Variants in ACYP2 observed in about 807,000 individuals in gnomAD.
ACYP2 encodes acylphosphatase 2.
ACYP2 carries 12 observed loss-of-function variants against 11.2 expected under a neutral mutation model. That is an observed-to-expected ratio of 1.08 (90% CI 0.69 to 1.74). The LOEUF (loss-of-function observed/expected upper bound fraction) is 1.74, where lower values mean the gene tolerates loss of function less well. ACYP2 is among the 40% of genes most tolerant of loss of function. ACYP2 has a pLI of 0.00. For synonymous variants in ACYP2, 43 were observed against 32.2 expected, an observed-to-expected ratio of 1.33 and a Z score of -1.13; for missense variants, 134 against 101.9, an observed-to-expected ratio of 1.31 and a Z score of -1.35.
intron 6 of ACYP2, among the ~76,000 whole-genome samples, chr2:54,214,959 C>A (rs960808441): frequency 6.6e-6 from 1 of 152,102 alleles, no homozygotes; most frequent in Non-Finnish European, 1.5e-5. Context: ...TTGTAGAGAT[C>A]TTTCACCTTC....
chr2:54,078,416 A>C (rs1677461422), intron 4 of ACYP2, among the ~76,000 whole-genome samples: 2 of 121,574 alleles, frequency 1.6e-5, no homozygotes, highest in South Asian at 6.8e-4. Context: ...CGTACCATAT[A>C]TGGTACGCAT....
rs569589863 is a variant in ACYP2, at chr2:54,053,665, A to G, written c.155+2615A>G. ...GCAACTTAGGAACTCCTCTGCCACC[A>G]AGTAGATTGTGACCACACCTTCTTC... On this transcript the variant is annotated intron_variant, in intron 3 of 6. Transcript: ENST00000607452. 1.7e-4 allele frequency among the ~76,000 whole-genome samples: 26 copies of G among 152,322 alleles called. No individual in the cohort carries two copies. The South Asian group carries it at 5.0e-3, about 29-fold the overall frequency.
chr2:54,286,621 G>C (rs926849610), intron 6 of ACYP2, among the ~76,000 whole-genome samples: 2 of 152,012 alleles, frequency 1.3e-5, no homozygotes, highest in African/African-American at 4.8e-5. Flanking sequence ...ACACTACTTT[G>C]CTCAACAGAT....
intron 6 of ACYP2, among the ~76,000 whole-genome samples, chr2:54,161,009 G>A (rs1379788109): frequency 6.6e-6 from 1 of 152,170 alleles, no homozygotes; most frequent in Non-Finnish European, 1.5e-5. Flanking sequence ...AGTAGCATCA[G>A]CATTACCTGG....
chr2:54,225,523 C>T (rs1006978647), intron 6 of ACYP2, among the ~76,000 whole-genome samples: 1 of 152,034 alleles, frequency 6.6e-6, no homozygotes, highest in Non-Finnish European at 1.5e-5. Flanking sequence ...TTACTATGCT[C>T]ATTTTAAGTT....
chr2:54,230,374 G>A (rs774660819), intron 6 of ACYP2, among the ~76,000 whole-genome samples: 17 of 151,462 alleles, frequency 1.1e-4, no homozygotes, highest in Non-Finnish European at 2.4e-4. Context: ...TTGTTTTTTT[G>A]AGACGGAGTT....
intron 6 of ACYP2, among the ~76,000 whole-genome samples, chr2:54,149,788 T>C (rs1335185100): frequency 6.6e-6 from 1 of 152,192 alleles, no homozygotes; most frequent in Non-Finnish European, 1.5e-5. Context: ...TATATGTATA[T>C]AAGAGGATGA....
chr2:53,994,329 C>CAAAAAAAAAAAAAAAAAAAAA (rs374302355), intron 2 of ACYP2, among the ~76,000 whole-genome samples: 1 of 42,892 alleles, frequency 2.3e-5, no homozygotes, highest in African/African-American at 9.3e-5. Flanking sequence ...GACTCCGTCT[C>CAAAAAAAAAAAAAAAAAAAAA]AAAAAAAAAA....
intron 6 of ACYP2, among the ~76,000 whole-genome samples, chr2:54,208,215 T>A (rs1685162616): frequency 6.6e-6 from 1 of 152,002 alleles, no homozygotes; most frequent in African/African-American, 2.4e-5. Flanking sequence ...AACTTTTTAT[T>A]TCCCCCCTAT....
At chr2:54,048,490 T>A (rs1231017383) in intron 2 of ACYP2, among the ~76,000 whole-genome samples, 2 of 152,168 alleles carry the variant, frequency 1.3e-5, no homozygotes, top group Non-Finnish European at 2.9e-5. Context: ...TTACAGCCAC[T>A]TTTTAAAAAT....
intron 2 of ACYP2, among the ~76,000 whole-genome samples, chr2:54,021,040 G>T (rs1673982392): frequency 6.6e-6 from 1 of 152,144 alleles, no homozygotes. Flanking sequence ...AACAAGGGAG[G>T]GGAAGGGGTT....
At chr2:54,017,591 A>G (rs552510681) in intron 2 of ACYP2, among the ~76,000 whole-genome samples, 1 of 152,256 alleles carries the variant, frequency 6.6e-6, no homozygotes, top group Non-Finnish European at 1.5e-5. Flanking sequence ...TTTGGAAAAC[A>G]CATTCAGCCC....
At chr2:54,234,314 C>T (rs1301390057) in intron 6 of ACYP2, among the ~76,000 whole-genome samples, 1 of 152,246 alleles carries the variant, frequency 6.6e-6, no homozygotes, top group African/African-American at 2.4e-5. Flanking sequence ...AAACTGTTGC[C>T]ATGACCTTTG....
rs1474555359 is a variant in ACYP2 at position 54,276,636 on chromosome 2, CACACACACACACACACACACACACACCA to C, written c.405-28051_405-28024del. ...TTGTTCTTTCACACACACACACACA[CACACACACACACACACACACACACACCA>C]CACACAAGAAAAATTGTTTTTTTCC... On this transcript the variant is annotated intron_variant, in intron 6 of 6. Transcript: ENST00000607452. 5.1e-3 allele frequency among the ~76,000 whole-genome samples: 447 copies of C among 88,310 alleles called. 3 individuals are homozygous for C. The highest frequency in any genetic ancestry group is 0.023 in the African/African-American group (422 of 17,986). 57.9% of individuals were successfully genotyped at this position (88,310 alleles called of 152,430 possible).
intron 6 of ACYP2, among the ~76,000 whole-genome samples, chr2:54,243,305 G>A (rs1289591261): frequency 6.6e-6 from 1 of 152,076 alleles, no homozygotes; most frequent in Non-Finnish European, 1.5e-5. Context: ...AGGATGTGTG[G>A]TATAGCCTAT....
intron 6 of ACYP2, among the ~76,000 whole-genome samples, chr2:54,275,692 A>G (rs1462698410): frequency 2.6e-5 from 4 of 152,180 alleles, no homozygotes; most frequent in Non-Finnish European, 5.9e-5. Context: ...AAGGAACATC[A>G]AGCATAGAGA....
chr2:54,035,618 AATTTAT>A (rs1674856677), intron 2 of ACYP2, among the ~76,000 whole-genome samples: 1 of 152,074 alleles, frequency 6.6e-6, no homozygotes, highest in Non-Finnish European at 1.5e-5. Flanking sequence ...AGTGGTATTA[AATTTAT>A]ACTCAACCAT....
At chr2:54,204,060 T>A (rs1489465821) in intron 6 of ACYP2, among the ~76,000 whole-genome samples, 2 of 152,178 alleles carry the variant, frequency 1.3e-5, no homozygotes, top group Admixed American at 1.3e-4. Flanking sequence ...AGTGGCACGA[T>A]CTCGGCTCAC....
intron 6 of ACYP2, among the ~76,000 whole-genome samples, chr2:54,145,878 C>T (rs1344368412): frequency 2.6e-5 from 4 of 152,112 alleles, no homozygotes; most frequent in African/African-American, 9.7e-5. Context: ...ATGCTTTTTC[C>T]TGGAGGCCTG....
Sources: gnomAD v4.1 joint callset for allele counts (sites outside exome capture counted in the v4.1 genomes callset) on GRCh38, gnomAD v4.1.1 for gene constraint, MANE v1.5 for transcripts, NCBI Gene and HGNC (gene_info 2026-07-23, HGNC 2026-07-21) for gene names.